The following NKAIN3 variants were observed in gnomAD, a reference collection of about 807,000 sequenced individuals.
The protein encoded by NKAIN3 is sodium/potassium transporting ATPase interacting 3.
A neutral mutation model predicts 30.2 loss-of-function variants in NKAIN3; 25 were observed. The observed-to-expected ratio is 0.83, with a 90% confidence interval of 0.60 to 1.16. The LOEUF is 1.16. Ranked by LOEUF, NKAIN3 falls within the 50% of genes most tolerant of loss-of-function variation. The probability of loss-of-function intolerance (pLI) is 0.00; values close to 1 mark genes in which losing one functional copy is unlikely to be tolerated. For synonymous variants in NKAIN3, 91 were observed against 89.6 expected, an observed-to-expected ratio of 1.02 and a Z score of -0.09; for missense variants, 225 against 254.1, an observed-to-expected ratio of 0.89 and a Z score of 0.78.
chr8:62,334,302 G>A (rs1272328455), intron 1 of NKAIN3, among the ~76,000 whole-genome samples: 1 of 152,046 alleles, frequency 6.6e-6, no homozygotes, highest in Non-Finnish European at 1.5e-5. Flanking sequence ...ATGCTCTAGG[G>A]AAAGATTCCT....
chr8:62,448,001 G>A (rs1398271189), intron 1 of NKAIN3, among the ~76,000 whole-genome samples: 1 of 151,936 alleles, frequency 6.6e-6, no homozygotes, highest in African/African-American at 2.4e-5. Flanking sequence ...CTGCGCCAAA[G>A]GAAAGGAAAT....
Position 62,969,026 on chromosome 8 carries a change from T to C in NKAIN3, c.*3619T>C, listed in dbSNP as rs1823776412. 6.6e-6 allele frequency among the ~76,000 whole-genome samples: 1 copy of C among 152,200 alleles called. No homozygotes were observed. On this transcript the variant is annotated 3_prime_UTR_variant, in exon 7 of 7. Coordinates refer to ENST00000623646, the MANE Select transcript of NKAIN3 (RefSeq NM_001304533.3). ...TCCCCAAGTATCTTAGCCTTCCACC[T>C]ACCACATAAAGTGAGGGTATGTGTC...
chr8:62,818,354 T>TATC (rs1416130942), intron 4 of NKAIN3, among the ~76,000 whole-genome samples: 2 of 152,140 alleles, frequency 1.3e-5, no homozygotes, highest in African/African-American at 4.8e-5. Context: ...GTTATACAAA[T>TATC]ATCAAATTGC....
intron 3 of NKAIN3, among the ~76,000 whole-genome samples, chr8:62,642,920 TAAAA>T (rs535981993): frequency 2.6e-5 from 4 of 152,062 alleles, no homozygotes; most frequent in Non-Finnish European, 5.9e-5. Context: ...TTGAATAAAA[TAAAA>T]AATTTATTGG....
intron 1 of NKAIN3, among the ~76,000 whole-genome samples, chr8:62,267,656 A>T (rs1812649667): frequency 6.6e-6 from 1 of 152,202 alleles, no homozygotes; most frequent in Non-Finnish European, 1.5e-5. Flanking sequence ...ATATACACCT[A>T]ACAGTTGTTC....
At chr8:62,992,980 T>C (rs931365011) in intron 5 of NKAIN3, among the ~76,000 whole-genome samples, 17 of 152,170 alleles carry the variant, frequency 1.1e-4, no homozygotes, top group Non-Finnish European at 5.9e-5. Context: ...TCCAAGCAGA[T>C]TCAGGGACCC....
At chr8:62,809,667 G>A (rs922648346) in intron 4 of NKAIN3, among the ~76,000 whole-genome samples, 6 of 152,156 alleles carry the variant, frequency 3.9e-5, no homozygotes, top group African/African-American at 1.2e-4. Flanking sequence ...CCATTAAAAT[G>A]TACATATATT....
chr8:62,675,920 C>A (rs1261325495), intron 3 of NKAIN3, among the ~76,000 whole-genome samples: 2 of 152,118 alleles, frequency 1.3e-5, no homozygotes, highest in Admixed American at 6.5e-5. Flanking sequence ...TCTCTATTAT[C>A]CTTTATATTT....
intron 3 of NKAIN3, among the ~76,000 whole-genome samples, chr8:62,598,460 C>A (rs1810898874): frequency 1.3e-5 from 2 of 152,022 alleles, no homozygotes; most frequent in South Asian, 2.1e-4. Flanking sequence ...AATGATATTA[C>A]AATTGGCTCT....
chr8:62,266,493 C>T (rs1199850093), intron 1 of NKAIN3, among the ~76,000 whole-genome samples: 14 of 152,124 alleles, frequency 9.2e-5, no homozygotes, highest in Admixed American at 9.2e-4. Flanking sequence ...ATCAAAATTT[C>T]AGACATATTC....
chr8:62,283,063 G>C (rs1365924356), intron 1 of NKAIN3, among the ~76,000 whole-genome samples: 2 of 152,134 alleles, frequency 1.3e-5, no homozygotes, highest in East Asian at 3.9e-4. Flanking sequence ...TTACCCAGAT[G>C]GGGTTAATTG....
chr8:62,383,155 A>G (rs1817326959), intron 1 of NKAIN3, among the ~76,000 whole-genome samples: 1 of 152,124 alleles, frequency 6.6e-6, no homozygotes, highest in Admixed American at 6.6e-5. Context: ...GACATTACTC[A>G]ATACCAAAAG....
At chr8:62,687,456 A>G (rs1813834702) in intron 3 of NKAIN3, among the ~76,000 whole-genome samples, 1 of 152,118 alleles carries the variant, frequency 6.6e-6, no homozygotes, top group Admixed American at 6.5e-5. Flanking sequence ...TCCTTGAGTA[A>G]TCTGATGCTA....
At chr8:62,373,212 A>G (rs1372783135) in intron 1 of NKAIN3, among the ~76,000 whole-genome samples, 6 of 152,192 alleles carry the variant, frequency 3.9e-5, no homozygotes, top group African/African-American at 1.2e-4. Flanking sequence ...GTTACTCTAA[A>G]AGACTGCCAA....
At chr8:62,869,808 C>A (rs1041978668) in intron 4 of NKAIN3, among the ~76,000 whole-genome samples, 3 of 152,034 alleles carry the variant, frequency 2.0e-5, no homozygotes, top group Non-Finnish European at 4.4e-5. Flanking sequence ...AGCTCTGTTG[C>A]CCAGGCTGGA....
At chr8:62,510,793 C>T (rs2129733250) in intron 1 of NKAIN3, among the ~76,000 whole-genome samples, 1 of 152,178 alleles carries the variant, frequency 6.6e-6, no homozygotes, top group South Asian at 2.1e-4. Context: ...TGGTAAATCC[C>T]ATGGTCAGCT....
At chr8:62,633,069 C>T (rs1401402057) in intron 3 of NKAIN3, among the ~76,000 whole-genome samples, 1 of 151,940 alleles carries the variant, frequency 6.6e-6, no homozygotes, top group Non-Finnish European at 1.5e-5. Context: ...TAGAGCAGGG[C>T]CTTGGGAGCC....
At chr8:62,997,559 G>A (rs1238110606) in intron 5 of NKAIN3, among the ~76,000 whole-genome samples, 2 of 152,168 alleles carry the variant, frequency 1.3e-5, no homozygotes, top group African/African-American at 4.8e-5. Context: ...ATGTAATGGA[G>A]TGAGAAGAGC....
At chr8:62,500,493 G>GAAAGAAGA (rs71255340) in intron 1 of NKAIN3, among the ~76,000 whole-genome samples, 1 of 134,016 alleles carries the variant, frequency 7.5e-6, no homozygotes, top group East Asian at 2.5e-4. Context: ...AAGAAGAAAA[G>GAAAGAAGA]AAAGAAAGAA....
Sources: gnomAD v4.1 joint callset for allele counts (sites outside exome capture counted in the v4.1 genomes callset) on GRCh38, gnomAD v4.1.1 for gene constraint, MANE v1.5 for transcripts, NCBI Gene and HGNC (gene_info 2026-07-23, HGNC 2026-07-21) for gene names.